Variants in MED12L observed in about 807,000 individuals in gnomAD.
MED12L encodes the protein mediator complex subunit 12L.
MED12L carries 60 observed loss-of-function variants against 281.3 expected under a neutral mutation model. That is an observed-to-expected ratio of 0.21 (90% CI 0.17 to 0.26). The LOEUF is 0.26. Among genes scored for constraint, MED12L ranks in the 10% least tolerant of loss-of-function variants. The probability of loss-of-function intolerance (pLI) is 1.00; values close to 1 mark genes in which losing one functional copy is unlikely to be tolerated. For synonymous variants in MED12L, 974 were observed against 987.2 expected (o/e 0.99, Z 0.25); for missense variants, 2,146 against 2,680.9 (o/e 0.80, Z 4.41).
At chr3:151,129,747 G>GTA (rs1179008926) in intron 5 of MED12L, among the ~76,000 whole-genome samples, 5 of 138,202 alleles carry the variant, frequency 3.6e-5, no homozygotes, top group Non-Finnish European at 7.8e-5. Flanking sequence ...GTGTGTGTGT[G>GTA]TGTATCTCCA....
chr3:151,302,179 A>C (rs1746022760), intron 16 of MED12L, among the ~76,000 whole-genome samples: 2 of 152,198 alleles, frequency 1.3e-5, no homozygotes, highest in Non-Finnish European at 1.5e-5. Context: ...AGGAAAGGCA[A>C]ATCTGTAGAG....
chr3:151,240,554 A>G (rs1733868767), intron 16 of MED12L, among the ~76,000 whole-genome samples: 1 of 152,222 alleles, frequency 6.6e-6, no homozygotes, highest in African/African-American at 2.4e-5. Flanking sequence ...GAAAGAGCTA[A>G]AAAACAAAAC....
intron 16 of MED12L, among the ~76,000 whole-genome samples, chr3:151,254,999 A>G (rs1737559156): frequency 6.6e-6 from 1 of 152,174 alleles, no homozygotes; most frequent in South Asian, 2.1e-4. Flanking sequence ...GTTTTCCCAG[A>G]AACTTTATAT....
At chr3:151,383,414 C>G (rs1712759204) in intron 33 of MED12L, among the ~76,000 whole-genome samples, 1 of 152,194 alleles carries the variant, frequency 6.6e-6, no homozygotes, top group South Asian at 2.1e-4. Flanking sequence ...ACAGCAAACA[C>G]AAAGATGCAG....
intron 16 of MED12L, chr3:151,295,269 C>A: frequency 8.3e-7 from 1 of 1,203,816 alleles, no homozygotes. Context: ...CCACAGGCTA[C>A]TAGGTTCCCT....
intron 17 of MED12L, among the ~76,000 whole-genome samples, chr3:151,352,743 T>A (rs1015933531): frequency 2.6e-5 from 4 of 152,232 alleles, no homozygotes; most frequent in Admixed American, 2.6e-4. Context: ...AGTTCATTTT[T>A]CATTTGCCTT....
chr3:151,257,595 G>T (rs113233597), intron 16 of MED12L, among the ~76,000 whole-genome samples: 12 of 152,326 alleles, frequency 7.9e-5, no homozygotes, highest in African/African-American at 2.6e-4. Flanking sequence ...ACATAGAAGA[G>T]AAAAATAAAT....
rs987477085 is a variant in MED12L at position 151,371,486 on chromosome 3, T to C, written c.3665-1081T>C. Reference sequence around the variant, plus strand: ...TTAATGAGAAACATATGATTATATATTGATAAATTGAAATACATTATTTAT... The same window carrying C: ...TTAATGAGAAACATATGATTATATACTGATAAATTGAAATACATTATTTAT... On this transcript the variant is annotated intron_variant, in intron 26 of 44. Coordinates refer to ENST00000687756, the MANE Select transcript of MED12L (RefSeq NM_001393769.1). Among the ~76,000 whole-genome samples the C allele has an allele frequency of 2.6e-5, 4 of 152,342 alleles. 1 individual carries two copies. Among genetic ancestry groups the C allele is most frequent in the African/African-American group, 9.6e-5 (4 of 41,584 alleles).
intron 5 of MED12L, among the ~76,000 whole-genome samples, chr3:151,141,189 T>TTTTTGTTTTTTTG (rs1716956567): frequency 7.2e-6 from 1 of 138,048 alleles, no homozygotes; most frequent in East Asian, 2.3e-4. Flanking sequence ...TTTTTTTTGT[T>TTTTTGTTTTTTTG]TTTTTTTTTT....
chr3:151,096,752 G>A lies in MED12L; in HGVS notation c.99+9727G>A, dbSNP rs1030742271. Among the ~76,000 whole-genome samples, 7 of 152,214 alleles carry A rather than the reference G, an allele frequency of 4.6e-5. No individual in the cohort carries two copies. In the South Asian group the frequency reaches 1.2e-3, roughly 27 times the overall value. On this transcript the variant is annotated intron_variant, in intron 2 of 44. Coordinates refer to ENST00000687756, the MANE Select transcript of MED12L (RefSeq NM_001393769.1). ...AATACAAAAGGAAATTGAGTCCCAG[G>A]CAGGTTAAAGTGGCTTGTCAAAGCA...
intron 8 of MED12L, 65 bp downstream of exon 8, chr3:151,160,166 G>T: frequency 2.1e-6 from 3 of 1,417,796 alleles, no homozygotes; most frequent in South Asian, 1.6e-5. Flanking sequence ...AGTTGGGAAT[G>T]GCATTTTCAA....
chr3:151,094,027 G>C (rs919585197), intron 2 of MED12L, among the ~76,000 whole-genome samples: 3 of 152,192 alleles, frequency 2.0e-5, no homozygotes, highest in Non-Finnish European at 2.9e-5. Flanking sequence ...GAGAGGATGA[G>C]GATGCACAGA....
intron 2 of MED12L, among the ~76,000 whole-genome samples, chr3:151,108,518 A>G (rs998202476): frequency 6.6e-6 from 1 of 152,026 alleles, no homozygotes; most frequent in South Asian, 2.1e-4. Context: ...TTTGGGGGAG[A>G]GGTGGACAAG....
chr3:151,329,476 T>C, intron 16 of MED12L: 1 of 1,537,290 alleles, frequency 6.5e-7, no homozygotes, highest in South Asian at 1.2e-5. Context: ...AAAATTGAAA[T>C]TCACCTTTGG....
intron 5 of MED12L, among the ~76,000 whole-genome samples, chr3:151,137,344 C>T (rs1192457415): frequency 6.6e-6 from 1 of 152,102 alleles, no homozygotes; most frequent in African/African-American, 2.4e-5. Context: ...TTTGACATGA[C>T]ACCATTTGTC....
intron 16 of MED12L, among the ~76,000 whole-genome samples, chr3:151,286,214 G>T (rs1457553412): frequency 2.0e-5 from 3 of 152,144 alleles, no homozygotes; most frequent in African/African-American, 7.2e-5. Flanking sequence ...GGCCTGCAGG[G>T]AGACCAGTGC....
chr3:151,313,431 G>A (rs560452152), intron 16 of MED12L, among the ~76,000 whole-genome samples: 16 of 152,198 alleles, frequency 1.1e-4, no homozygotes, highest in Admixed American at 9.8e-4. Context: ...GTTGACTGTG[G>A]GCAGTGGTTC....
chr3:151,192,270 T>C (rs1394998224), intron 14 of MED12L, among the ~76,000 whole-genome samples: 1 of 152,230 alleles, frequency 6.6e-6, no homozygotes, highest in Non-Finnish European at 1.5e-5. Context: ...TGATGGGAAA[T>C]AGCCCAAGAA....
intron 16 of MED12L, among the ~76,000 whole-genome samples, chr3:151,259,793 T>A (rs920056956): frequency 1.3e-5 from 2 of 152,238 alleles, no homozygotes; most frequent in African/African-American, 2.4e-5. Context: ...TTTAGAGTCC[T>A]GGTTTATAGT....
Sources: allele counts gnomAD v4.1 joint callset (sites outside exome capture counted in the v4.1 genomes callset), GRCh38; gene constraint gnomAD v4.1.1; transcripts MANE v1.5; gene names NCBI Gene and HGNC (gene_info 2026-07-23, HGNC 2026-07-21).